Variants in CCDC102B observed in about 807,000 individuals in gnomAD.
The protein encoded by CCDC102B is coiled-coil domain-containing protein 102B.
Under a neutral mutation model 57.4 loss-of-function variants are expected in CCDC102B, and 75 were observed. The ratio of observed to expected loss-of-function variants is 1.31; its 90% CI spans 1.08 to 1.58. The LOEUF is 1.58. CCDC102B is among the 40% of genes most tolerant of loss of function. The pLI, the probability that CCDC102B is intolerant of heterozygous loss-of-function variation, is 0.00. For missense variants in CCDC102B, 636 were observed against 582.6 expected, an observed-to-expected ratio of 1.09 and a Z score of -0.94; for synonymous variants, 206 against 201.9, an observed-to-expected ratio of 1.02 and a Z score of -0.17.
At chr18:68,810,392 A>G (rs560343068) in intron 1 of CCDC102B, among the ~76,000 whole-genome samples, 32 of 152,212 alleles carry the variant, frequency 2.1e-4, no homozygotes, top group South Asian at 1.2e-3. Context: ...GATATTGCAC[A>G]TATGATTTAT....
intron 5 of CCDC102B, among the ~76,000 whole-genome samples, chr18:68,879,804 A>C (rs1053791659): frequency 6.6e-6 from 1 of 152,176 alleles, no homozygotes; most frequent in East Asian, 1.9e-4. Flanking sequence ...AGCTAGACAC[A>C]GGGTGCTGAT....
intron 7 of CCDC102B, among the ~76,000 whole-genome samples, chr18:69,023,944 C>T (rs1416330838): frequency 6.6e-6 from 1 of 151,456 alleles, no homozygotes; most frequent in Admixed American, 6.6e-5. Flanking sequence ...TTTTTTTCTG[C>T]TTTAATCAAT....
intron 3 of CCDC102B, among the ~76,000 whole-genome samples, chr18:68,845,591 C>T (rs1453818388): frequency 6.6e-6 from 1 of 151,724 alleles, no homozygotes; most frequent in East Asian, 1.9e-4. Flanking sequence ...CAGATAAGAA[C>T]AGGCCAGCTT....
chr18:69,046,807 C>T (rs572062131), intron 7 of CCDC102B, among the ~76,000 whole-genome samples: 4 of 151,976 alleles, frequency 2.6e-5, no homozygotes, highest in African/African-American at 9.6e-5. Context: ...TTCAATCTTC[C>T]ACATATGGCT....
At chr18:68,941,549 C>G (rs1247575993) in intron 6 of CCDC102B, among the ~76,000 whole-genome samples, 2 of 152,048 alleles carry the variant, frequency 1.3e-5, no homozygotes, top group African/African-American at 4.8e-5. Flanking sequence ...CACAAGGTGG[C>G]AAAACTTCTT....
chr18:68,777,216 C>T (rs1211997390), intron 2 of CCDC102B, among the ~76,000 whole-genome samples: 1 of 152,172 alleles, frequency 6.6e-6, no homozygotes, highest in African/African-American at 2.4e-5. Context: ...ACACTCAATA[C>T]AAGATCAAGA....
At chr18:68,919,447 C>A (rs2041196685) in intron 6 of CCDC102B, among the ~76,000 whole-genome samples, 1 of 152,106 alleles carries the variant, frequency 6.6e-6, no homozygotes, top group Non-Finnish European at 1.5e-5. Flanking sequence ...GTTTCCTAAT[C>A]AATGCCAGCA....
At chr18:68,945,416 G>T (rs1025584657) in intron 6 of CCDC102B, among the ~76,000 whole-genome samples, 11 of 151,914 alleles carry the variant, frequency 7.2e-5, no homozygotes, top group African/African-American at 2.7e-4. Context: ...TGCTTACCAT[G>T]AGCAGCTCAA....
chr18:68,889,156 T>G (rs1290225678), intron 5 of CCDC102B, among the ~76,000 whole-genome samples: 1 of 152,140 alleles, frequency 6.6e-6, no homozygotes, highest in Non-Finnish European at 1.5e-5. Flanking sequence ...AAAATTCACA[T>G]ATTGAAAACT....
intron 2 of CCDC102B, among the ~76,000 whole-genome samples, chr18:68,838,072 A>C (rs1265553072): frequency 6.6e-6 from 1 of 152,206 alleles, no homozygotes; most frequent in Non-Finnish European, 1.5e-5. Context: ...CTTATAAACC[A>C]GGGCAAATTT....
At chr18:68,937,456 G>C (rs4399632) in intron 6 of CCDC102B, among the ~76,000 whole-genome samples, 1 of 151,824 alleles carries the variant, frequency 6.6e-6, no homozygotes, top group Non-Finnish European at 1.5e-5. Context: ...ATGATCCCCA[G>C]AGTGCTCTGA....
chr18:68,827,223 C>T (rs1371662651), intron 1 of CCDC102B, among the ~76,000 whole-genome samples: 1 of 151,644 alleles, frequency 6.6e-6, no homozygotes, highest in Non-Finnish European at 1.5e-5. Flanking sequence ...CCTGTAGCAT[C>T]AAAAAACAAG....
chr18:68,780,325 C>T (rs2034965190), intron 2 of CCDC102B, among the ~76,000 whole-genome samples: 1 of 152,076 alleles, frequency 6.6e-6, no homozygotes. Context: ...CATTTGTGTA[C>T]AAGTGTTTGT....
At chr18:68,791,093 T>G (rs780411320) in intron 2 of CCDC102B, among the ~76,000 whole-genome samples, 12 of 152,216 alleles carry the variant, frequency 7.9e-5, no homozygotes, top group Non-Finnish European at 7.3e-5. Context: ...GGTTCAATAT[T>G]GCTGCCAAGA....
chr18:69,008,341 G>A (rs1488755267), intron 6 of CCDC102B, among the ~76,000 whole-genome samples: 2 of 152,172 alleles, frequency 1.3e-5, no homozygotes, highest in South Asian at 2.1e-4. Flanking sequence ...GTGCATAAAC[G>A]ACAGTGTTAC....
chr18:68,837,348 A>G lies in CCDC102B; in HGVS notation c.585A>G (p.Thr195=), dbSNP rs1355798312. 6.2e-7 allele frequency: 1 copy of G among 1,609,820 alleles called. No homozygotes were observed. The highest frequency in any genetic ancestry group is 1.3e-5 in the African/African-American group (1 of 74,836). ...ATTTGGTAAAAAGACAATTTTCTAC[A>G]AAGGAGGACACAAATAATAAGGTAA... The part of the protein sequence containing the change: ...REYLVKRQFS[T]KEDTNNKEQG... Residue 195 remains threonine, a synonymous_variant, in exon 2 of 8, where the codon ACA becomes ACG. Coordinates refer to ENST00000360242, the MANE Select transcript of CCDC102B (RefSeq NM_024781.3).
intron 7 of CCDC102B, among the ~76,000 whole-genome samples, chr18:69,047,398 A>G (rs908757820): frequency 2.0e-5 from 3 of 152,136 alleles, no homozygotes; most frequent in African/African-American, 7.2e-5. Flanking sequence ...CTTCAAAATA[A>G]TAAGAGCCAT....
At chr18:68,763,641 T>G (rs2034325416) in intron 2 of CCDC102B, among the ~76,000 whole-genome samples, 1 of 151,914 alleles carries the variant, frequency 6.6e-6, no homozygotes, top group South Asian at 2.1e-4. Context: ...ATATTCTTGT[T>G]TATACAGAAT....
intron 6 of CCDC102B, among the ~76,000 whole-genome samples, chr18:68,996,085 G>T (rs1010564006): frequency 2.0e-5 from 3 of 152,198 alleles, no homozygotes; most frequent in East Asian, 1.9e-4. Flanking sequence ...GCAAAGTATT[G>T]TTCCTGCGTG....
Sources: allele counts gnomAD v4.1 joint callset (sites outside exome capture counted in the v4.1 genomes callset), GRCh38; gene constraint gnomAD v4.1.1; transcripts MANE v1.5; gene names NCBI Gene and HGNC (gene_info 2026-07-23, HGNC 2026-07-21).